Variants in METTL5 observed in about 807,000 individuals in gnomAD.
METTL5 encodes the protein rRNA N(6)-adenosine-methyltransferase METTL5.
METTL5 carries 28 observed loss-of-function variants against 26.5 expected under a neutral mutation model. The ratio of observed to expected loss-of-function variants is 1.06; its 90% CI spans 0.78 to 1.45. The LOEUF (loss-of-function observed/expected upper bound fraction) is 1.45, where lower values mean the gene tolerates loss of function less well. Ranked by LOEUF, METTL5 falls within the 40% of genes most tolerant of loss-of-function variation. The pLI, the probability that METTL5 is intolerant of heterozygous loss-of-function variation, is 0.00. For synonymous variants in METTL5, 86 were observed against 82.6 expected (o/e 1.04, Z -0.22); for missense variants, 231 against 249.9 (o/e 0.92, Z 0.51).
rs553411447 is a variant in METTL5 at position 169,823,510 on chromosome 2, T to C, written c.109+979A>G. ...GGAACTGGAAAAAACTCCTTGCAGG[T>C]ACTCTCAGAAAATTAATTTTCCTAA... On this transcript the variant is annotated intron_variant, in intron 1 of 6. Coordinates refer to ENST00000260953, the MANE Select transcript of METTL5 (RefSeq NM_014168.4). Among the ~76,000 whole-genome samples, 3 of 152,270 alleles carry C rather than the reference T, an allele frequency of 2.0e-5. No individual in the cohort carries two copies. In the South Asian group the frequency reaches 6.2e-4, roughly 32 times the overall value.
At chr2:169,813,630 G>A (rs1334144931) in intron 5 of METTL5, among the ~76,000 whole-genome samples, 3 of 151,700 alleles carry the variant, frequency 2.0e-5, no homozygotes, top group African/African-American at 7.2e-5. Flanking sequence ...CAAGGCGGGC[G>A]GATGACCTGA....
intron 4 of METTL5, among the ~76,000 whole-genome samples, chr2:169,818,214 G>A (rs2081537628): frequency 6.6e-6 from 1 of 152,180 alleles, no homozygotes; most frequent in Non-Finnish European, 1.5e-5. Context: ...GAGCTTCCCT[G>A]GTTGGCAATG....
chr2:169,821,032 A>T, intron 3 of METTL5, 60 bp downstream of exon 3: 1 of 1,421,574 alleles, frequency 7.0e-7, no homozygotes, highest in Non-Finnish European at 9.5e-7. Flanking sequence ...GCCTGGCCTT[A>T]AAAATGGTTT....
chr2:169,822,179 C>A, intron 1 of METTL5, 122 bp from the exon 2 acceptor site: 12 of 1,341,894 alleles, frequency 8.9e-6, no homozygotes, highest in Non-Finnish European at 1.2e-5. Flanking sequence ...AAATGCCATT[C>A]CAGATTATTT....
intron 5 of METTL5, among the ~76,000 whole-genome samples, chr2:169,813,576 C>T (rs1276487225): frequency 1.3e-5 from 2 of 151,574 alleles, no homozygotes; most frequent in Admixed American, 6.6e-5. Flanking sequence ...TAAAACTGGC[C>T]GGGCGCGGTG....
chr2:169,812,141 C>G, intron 6 of METTL5: 1 of 554,350 alleles, frequency 1.8e-6, no homozygotes, highest in South Asian at 2.4e-5. Context: ...TGACGATGGG[C>G]CTTTCCCACA....
intron 5 of METTL5, among the ~76,000 whole-genome samples, chr2:169,813,896 A>G (rs1365051485): frequency 6.6e-6 from 1 of 152,038 alleles, no homozygotes; most frequent in Non-Finnish European, 1.5e-5. Context: ...TACTGAAAAT[A>G]ACAGGAAGAC....
chr2:169,814,576 CTTTTT>C (rs71006043), intron 5 of METTL5, among the ~76,000 whole-genome samples: 1 of 123,836 alleles, frequency 8.1e-6, no homozygotes, highest in Non-Finnish European at 1.7e-5. Context: ...TCCAAGCCCA[CTTTTT>C]TTTTTTTTTT....
intron 1 of METTL5, chr2:169,824,046 T>C (rs892384308): frequency 6.3e-6 from 1 of 158,722 alleles, no homozygotes; most frequent in African/African-American, 2.4e-5. Context: ...CTGGTATTCA[T>C]TTCTAGGGCA....
At chr2:169,815,360 C>G in intron 5 of METTL5, 117 bp downstream of exon 5, 1 of 669,278 alleles carries the variant, frequency 1.5e-6, no homozygotes, top group South Asian at 2.0e-5. Flanking sequence ...TATTACCAAT[C>G]ATGCACATTT....
At chr2:169,816,084 T>TA (rs2081502243) in intron 4 of METTL5, among the ~76,000 whole-genome samples, 1 of 152,210 alleles carries the variant, frequency 6.6e-6, no homozygotes, top group Admixed American at 6.5e-5. Flanking sequence ...AGTCAGAACA[T>TA]ATCCCTGTTG....
At chr2:169,816,029 T>C (rs1166162399) in intron 4 of METTL5, among the ~76,000 whole-genome samples, 3 of 152,198 alleles carry the variant, frequency 2.0e-5, no homozygotes, top group Non-Finnish European at 4.4e-5. Flanking sequence ...GCCTCGGTGG[T>C]CCACTCTATG....
At chr2:169,816,133 T>C (rs1230777997) in intron 4 of METTL5, among the ~76,000 whole-genome samples, 4 of 152,194 alleles carry the variant, frequency 2.6e-5, no homozygotes, top group Non-Finnish European at 4.4e-5. Flanking sequence ...CTATCAAAGA[T>C]GTGTAATGTT....
intron 1 of METTL5, among the ~76,000 whole-genome samples, chr2:169,822,481 A>G (rs1019222143): frequency 6.6e-6 from 1 of 152,228 alleles, no homozygotes; most frequent in African/African-American, 2.4e-5. Context: ...GTCAACATAA[A>G]TTTGGCAACT....
chr2:169,824,260 G>A, intron 1 of METTL5: 2 of 435,654 alleles, frequency 4.6e-6, no homozygotes, highest in South Asian at 4.0e-5. Flanking sequence ...AAAGATGTCT[G>A]GCAGTGTTAA....
chr2:169,817,903 A>G (rs1896289), intron 4 of METTL5, among the ~76,000 whole-genome samples: 28,546 of 152,138 alleles, frequency 0.19, 2,971 homozygotes, highest in East Asian at 0.37. Context: ...TAGAACTTAA[A>G]GTATAATTAA....
At chr2:169,815,982 G>A (rs2081500845) in intron 4 of METTL5, among the ~76,000 whole-genome samples, 1 of 152,068 alleles carries the variant, frequency 6.6e-6, no homozygotes, top group Admixed American at 6.6e-5. Flanking sequence ...TAGGTTGACA[G>A]GTTTGTAGCC....
Position 169,824,717 on chromosome 2 carries a change from C to T in METTL5, c.-120G>A, listed in dbSNP as rs1265521520. ...TTCTCCCTTTTTCAGCACCGCTGGC[C>T]GGACCCGAAGACGCGCCCTAAGGAG... is the stretch of plus-strand genomic sequence containing the variant. On this transcript the variant is annotated 5_prime_UTR_variant, in exon 1 of 7. Transcript: ENST00000260953. The T allele has an allele frequency of 4.9e-6, 4 of 820,874 alleles. No individual in the cohort carries two copies. The highest frequency in any genetic ancestry group is 6.0e-6 in the Non-Finnish European group (3 of 498,330). The allele number at this position is 820,874 out of a possible 1,614,324, so 50.8% of individuals were successfully genotyped here. A position where few individuals can be genotyped will look rare whatever the true frequency, so the allele number is the denominator to read the frequency against.
intron 4 of METTL5, among the ~76,000 whole-genome samples, chr2:169,818,337 T>C (rs1051423504): frequency 3.3e-5 from 5 of 152,220 alleles, no homozygotes; most frequent in Admixed American, 2.6e-4. Flanking sequence ...CTCTGCCTAA[T>C]GCACCTTTCT....
Sources: allele counts gnomAD v4.1 joint callset (sites outside exome capture counted in the v4.1 genomes callset), GRCh38; gene constraint gnomAD v4.1.1; transcripts MANE v1.5; gene names NCBI Gene and HGNC (gene_info 2026-07-23, HGNC 2026-07-21).